Variants in TTF2 observed in about 807,000 individuals in gnomAD.
The protein encoded by TTF2 is RNA polymerase II termination factor.
A neutral mutation model predicts 142.4 loss-of-function variants in TTF2; 108 were observed. The observed-to-expected ratio is 0.76, with a 90% CI of 0.65 to 0.89. The LOEUF is 0.89. Among genes scored for constraint, TTF2 ranks in the 40% least tolerant of loss-of-function variants. The pLI is 0.00. For missense variants in TTF2, 1,327 were observed against 1,379.8 expected (o/e 0.96, Z 0.61); for synonymous variants, 483 against 506.2 (o/e 0.95, Z 0.61).
rs1025657683 is a variant in TTF2 at position 117,107,377 on chromosome 1, A to C, written c.*5853A>C. The C allele has an allele frequency of 3.9e-5, 6 of 152,230 alleles. No individual in the cohort carries two copies. The highest frequency in any genetic ancestry group is 2.0e-4 in the Admixed American group (3 of 15,286). 9.4% of individuals were successfully genotyped at this position (152,230 alleles called of 1,614,324 possible). ...TGTCTTCTGGAAATTTTTTATTGCA[A>C]TGTTACTTCATCTACATAAAGTTGT... is the stretch of plus-strand genomic sequence containing the variant. On this transcript the variant is annotated 3_prime_UTR_variant, in exon 23 of 23. Coordinates refer to ENST00000369466, the MANE Select transcript of TTF2 (RefSeq NM_003594.4).
rs760111762 is a variant in TTF2, at chr1:117,081,931, G to A, written c.1887G>A (p.Thr629=). 1.9e-5 allele frequency: 30 copies of A among 1,614,152 alleles called. No homozygotes were observed. The highest frequency in any genetic ancestry group is 1.5e-4 in the South Asian group (14 of 91,086). Residue 629 remains threonine, a synonymous_variant, in exon 10 of 23, where the codon ACG becomes ACA. Coordinates refer to ENST00000369466, the MANE Select transcript of TTF2 (RefSeq NM_003594.4). ...AAAAGGAGAAAAGCACAGCTTTGAC[G>A]TGGCTCTCCAAAGATGGTAGACAGA... ...KEEKEKSTAL[T]WLSKDDSCDF...
intron 2 of TTF2, among the ~76,000 whole-genome samples, chr1:117,061,952 C>T (rs568742995): frequency 2.6e-5 from 4 of 152,184 alleles, no homozygotes. Flanking sequence ...TAAAAACTTA[C>T]ACAAAACAAG....
In TTF2 at chr1:117,075,078, A is replaced by G; in HGVS notation, c.494A>G (p.Gln165Arg). 4 of 1,614,022 alleles carry G rather than the reference A, an allele frequency of 2.5e-6. No homozygotes were observed. The highest frequency in any genetic ancestry group is 3.4e-6 in the Non-Finnish European group (4 of 1,179,990). Residue 165 changes from glutamine to arginine, a missense_variant, in exon 5 of 23, where the codon CAA becomes CGA. Transcript: ENST00000369466. This position sits in a 1 kb window ranked among gnomAD's most constrained non-coding sequence, Gnocchi z 4.5. ...GAAAAGGGAGATCAGCTTTTCGATC[A>G]AAAGAAAGAACAGAAGCCTGAAATG... ...QREKGDQLFD[Q>R]KKEQKPEMME...
intron 12 of TTF2, 66 bp from the exon 13 acceptor site, chr1:117,088,735 C>T: frequency 2.0e-6 from 3 of 1,538,290 alleles, no homozygotes; most frequent in Admixed American, 1.9e-5. Flanking sequence ...GCTATTTCCC[C>T]TTGTGTCCTT....
intron 3 of TTF2, among the ~76,000 whole-genome samples, chr1:117,071,632 A>G (rs952381114): frequency 1.3e-5 from 2 of 152,086 alleles, no homozygotes; most frequent in Admixed American, 6.5e-5. Context: ...AGCAGACAAA[A>G]TATATATTTT....
In TTF2 at chr1:117,063,524, T is replaced by C. The variant is rs1213834911; in HGVS notation, c.218+1051T>C. Reference sequence around the variant, plus strand: ...TGTACTCTTCTGTGTCTGACTTCTTTTACTTAACAGTATGTGAAATGTATA... The same window carrying C: ...TGTACTCTTCTGTGTCTGACTTCTTCTACTTAACAGTATGTGAAATGTATA... On this transcript the variant is annotated intron_variant, in intron 3 of 22. Coordinates refer to ENST00000369466, the MANE Select transcript of TTF2 (RefSeq NM_003594.4). This position sits in a 1 kb window ranked among gnomAD's most constrained non-coding sequence, Gnocchi z 4.1. Among the ~76,000 whole-genome samples, 1 of 152,260 alleles carries C rather than the reference T, an allele frequency of 6.6e-6. No homozygotes were observed. The highest frequency in any genetic ancestry group is 2.4e-5 in the African/African-American group (1 of 41,466).
intron 2 of TTF2, among the ~76,000 whole-genome samples, chr1:117,061,207 T>C (rs767367965): frequency 2.6e-5 from 4 of 151,918 alleles, no homozygotes; most frequent in Non-Finnish European, 4.4e-5. Flanking sequence ...CTGGGCAACA[T>C]GGTGAAATCC....
In TTF2 at chr1:117,101,048, C is replaced by A. The variant is rs1184541368; in HGVS notation, c.3345-332C>A. On this transcript the variant is annotated intron_variant, in intron 22 of 22. Transcript: ENST00000369466. The surrounding 1 kb of genome is among the most constrained non-coding windows in gnomAD (Gnocchi z 5.9). ...AGCAGAAATTTGATAACCTTTGAGG[C>A]CTTATGGACTTACCAAGGTAGAACT... Among the ~76,000 whole-genome samples, 2 of 152,186 alleles carry A rather than the reference C, an allele frequency of 1.3e-5. No homozygotes were observed. Among genetic ancestry groups the A allele is most frequent in the African/African-American group, 4.8e-5 (2 of 41,438 alleles).
At position 117,079,463 on chromosome 1, in the gene TTF2, G is replaced by T; in HGVS notation, c.1702-105G>T. On this transcript the variant is annotated intron_variant, in intron 8 of 22. Transcript: ENST00000369466. The surrounding 1 kb of genome is among the most constrained non-coding windows in gnomAD (Gnocchi z 4.2). ...AATGAACTGTCTACAGAATACTGAG[G>T]GAATCATTTGTAGAAAATAGGAGAG... is the stretch of plus-strand genomic sequence containing the variant. The T allele has an allele frequency of 9.7e-7, 1 of 1,032,204 alleles. No individual in the cohort carries two copies. The allele number at this position is 1,032,204 out of a possible 1,614,324, so 63.9% of individuals were successfully genotyped here. A position where few individuals can be genotyped will look rare whatever the true frequency, so the allele number is the denominator to read the frequency against.
In TTF2 at chr1:117,084,150, G is replaced by C; in HGVS notation, c.2036G>C (p.Arg679Pro). The C allele has an allele frequency of 3.7e-6, 6 of 1,614,160 alleles. No homozygotes were observed. The highest frequency in any genetic ancestry group is 4.2e-6 in the Non-Finnish European group (5 of 1,180,022). Residue 679 changes from arginine to proline, a missense_variant, in exon 11 of 23, where the codon CGG becomes CCG. Coordinates refer to ENST00000369466, the MANE Select transcript of TTF2 (RefSeq NM_003594.4). ...LRVYLYHGPN[R>P]DSRARVLSTY... The stretch of plus-strand genomic sequence containing the variant: ...GTCTATCTCTACCATGGGCCAAACC[G>C]GGATTCACGTGCCAGAGTGTAAGTG...
At position 117,063,255 on chromosome 1, in the gene TTF2, G is replaced by C. The variant is rs1423800821; in HGVS notation, c.218+782G>C. Reference sequence around the variant, plus strand: ...TCATACTTCTATTTTTCTTAATTTAGTTATATGTATAGTAAGATACACAAG... The same window carrying C: ...TCATACTTCTATTTTTCTTAATTTACTTATATGTATAGTAAGATACACAAG... On this transcript the variant is annotated intron_variant, in intron 3 of 22. Coordinates refer to ENST00000369466, the MANE Select transcript of TTF2 (RefSeq NM_003594.4). This position sits in a 1 kb window ranked among gnomAD's most constrained non-coding sequence, Gnocchi z 4.1. 6.6e-6 allele frequency among the ~76,000 whole-genome samples: 1 copy of C among 151,956 alleles called. No homozygotes were observed. Among genetic ancestry groups the C allele is most frequent in the Non-Finnish European group, 1.5e-5 (1 of 68,012 alleles).
Position 117,090,170 on chromosome 1 carries a change from A to C in TTF2, c.2458A>C (p.Arg820=), listed in dbSNP as rs1648441462. The change falls in exon 14 of 23, where the codon AGA becomes CGA. Residue 820 remains arginine, a synonymous_variant. Transcript: ENST00000369466. This position sits in a 1 kb window ranked among gnomAD's most constrained non-coding sequence, Gnocchi z 4.8. ...TTTAACCAAGAGCCTTTTGCTGAGG[A>C]GAACAAAAGACCAGCTGGACTCTAC... ...SILTKSLLLR[R]TKDQLDSTGR... 1 of 1,614,018 alleles carries C rather than the reference A, an allele frequency of 6.2e-7. No homozygotes were observed. Among genetic ancestry groups the C allele is most frequent in the South Asian group, 1.1e-5 (1 of 91,084 alleles).
rs375084815 is a variant in TTF2 at position 117,102,957 on chromosome 1, G to A, written c.*1433G>A. 7 of 152,134 alleles carry A rather than the reference G, an allele frequency of 4.6e-5. No individual in the cohort carries two copies. Among genetic ancestry groups the A allele is most frequent in the African/African-American group, 9.7e-5 (4 of 41,434 alleles). The allele number at this position is 152,134 out of a possible 1,614,324, so 9.4% of individuals were successfully genotyped here. A position where few individuals can be genotyped will look rare whatever the true frequency, so the allele number is the denominator to read the frequency against. Reference sequence around the variant, plus strand: ...TTCCCAGTTTTTGCTGCAGTTTGACGGGGTCCATATCAATGGACTGTGGAG... The same window carrying A: ...TTCCCAGTTTTTGCTGCAGTTTGACAGGGTCCATATCAATGGACTGTGGAG... On this transcript the variant is annotated 3_prime_UTR_variant, in exon 23 of 23. Transcript: ENST00000369466.
rs555821865 is a variant in TTF2, at chr1:117,073,842, C to A, written c.285+115C>A. 2 of 911,514 alleles carry A rather than the reference C, an allele frequency of 2.2e-6. No homozygotes were observed. The highest frequency in any genetic ancestry group is 1.6e-6 in the Non-Finnish European group (1 of 624,142). The allele number at this position is 911,514 out of a possible 1,614,324, so 56.5% of individuals were successfully genotyped here. On this transcript the variant is annotated intron_variant, in intron 4 of 22. Coordinates refer to ENST00000369466, the MANE Select transcript of TTF2 (RefSeq NM_003594.4). The surrounding 1 kb of genome is among the most constrained non-coding windows in gnomAD (Gnocchi z 4.4). ...GAGTTGGTCTTCATCAGACTGTCTC[C>A]GAAAGATAGTTTTCTTTAAGCAAGG...
At position 117,079,595 on chromosome 1, in the gene TTF2, G is replaced by T. The variant is rs1397745545; in HGVS notation, c.1729G>T (p.Ala577Ser). 6.2e-7 allele frequency: 1 copy of T among 1,614,240 alleles called. No individual in the cohort carries two copies. Among genetic ancestry groups the T allele is most frequent in the Middle Eastern group, 1.6e-4 (1 of 6,062 alleles). Residue 577 changes from alanine (A) to serine (S), a missense_variant, in exon 9 of 23, where the codon GCA (alanine) becomes TCA (serine). Transcript: ENST00000369466. This position sits in a 1 kb window ranked among gnomAD's most constrained non-coding sequence, Gnocchi z 4.2. ...CCCTTTGCTACTACACCAGAAGCAG[G>T]CATTGGCTTGGTTACTATGGCGAGA... ...KVPLLLHQKQ[A>S]LAWLLWRESQ...
chr1:117,072,117 T>C (rs915117824), intron 3 of TTF2, among the ~76,000 whole-genome samples: 1 of 152,152 alleles, frequency 6.6e-6, no homozygotes, highest in African/African-American at 2.4e-5. Flanking sequence ...AGTTCGGCAG[T>C]GGAACAGCTT....
rs1010302284 is a variant in TTF2 at position 117,102,314 on chromosome 1, ATCCCTGCAGCC to A, written c.*791_*801del. ...TTTTTATGGGTGGAGCAGAGAGTCA[ATCCCTGCAGCC>A]ACCCTGCAGCCAGCCATCTCTGCAG... On this transcript the variant is annotated 3_prime_UTR_variant, in exon 23 of 23. Coordinates refer to ENST00000369466, the MANE Select transcript of TTF2 (RefSeq NM_003594.4). 1 of 135,858 alleles carries A rather than the reference ATCCCTGCAGCC, an allele frequency of 7.4e-6. No homozygotes were observed. The highest frequency in any genetic ancestry group is 1.7e-5 in the Non-Finnish European group (1 of 60,088). 8.4% of individuals were successfully genotyped at this position (135,858 alleles called of 1,614,324 possible).
rs189886157 is a variant in TTF2, at chr1:117,104,676, C to G, written c.*3152C>G. On this transcript the variant is annotated 3_prime_UTR_variant, in exon 23 of 23. Coordinates refer to ENST00000369466, the MANE Select transcript of TTF2 (RefSeq NM_003594.4). ...GATGCAGAAAAAAATGGAACCACTG[C>G]CTTAATGGGATGGAATATACTAAAC... 1 of 152,270 alleles carries G rather than the reference C, an allele frequency of 6.6e-6. No homozygotes were observed. The highest frequency in any genetic ancestry group is 6.5e-5 in the Admixed American group (1 of 15,292). The allele number at this position is 152,270 out of a possible 1,614,324, so 9.4% of individuals were successfully genotyped here.
At chr1:117,098,660 A>G (rs776209120) in intron 21 of TTF2, 173 bp from the exon 22 acceptor site, 47 of 554,694 alleles carry the variant, frequency 8.5e-5, no homozygotes, top group Non-Finnish European at 1.2e-4. Context: ...TCTCTGTCAC[A>G]TGATGTGTGT....
Sources: gnomAD v4.1 joint callset for allele counts (sites outside exome capture counted in the v4.1 genomes callset) on GRCh38, gnomAD v4.1.1 for gene constraint, Gnocchi (gnomAD v3.1) non-coding constraint, MANE v1.5 for transcripts, NCBI Gene and HGNC (gene_info 2026-07-23, HGNC 2026-07-21) for gene names.